SORCS1: variants seen among roughly 807,000 people sequenced by gnomAD.
SORCS1 encodes VPS10 domain-containing receptor SorCS1.
SORCS1 carries 60 observed loss-of-function variants against 146.1 expected under a neutral mutation model. The observed-to-expected ratio is 0.41, with a 90% CI of 0.33 to 0.51. The LOEUF (loss-of-function observed/expected upper bound fraction) is 0.51. Among genes scored for constraint, SORCS1 ranks in the 20% least tolerant of loss-of-function variants. The probability of loss-of-function intolerance (pLI) is 0.21; values close to 1 mark genes in which losing one functional copy is unlikely to be tolerated. For synonymous variants in SORCS1, 637 were observed against 584.0 expected (o/e 1.09, Z -1.31); for missense variants, 1,352 against 1,487.6 (o/e 0.91, Z 1.50).
At chr10:106,625,690 C>G (rs1170754970) in intron 19 of SORCS1, among the ~76,000 whole-genome samples, 1 of 152,212 alleles carries the variant, frequency 6.6e-6, no homozygotes, top group African/African-American at 2.4e-5. Context: ...AGAAAGTCAT[C>G]TGCACATGGC....
At chr10:106,646,528 T>C (rs964965275) in intron 18 of SORCS1, among the ~76,000 whole-genome samples, 4 of 151,802 alleles carry the variant, frequency 2.6e-5, no homozygotes, top group Non-Finnish European at 5.9e-5. Flanking sequence ...AGACCCCGTC[T>C]CTACTAAAAA....
At chr10:106,918,840 T>G (rs1178852957) in intron 2 of SORCS1, among the ~76,000 whole-genome samples, 1 of 150,688 alleles carries the variant, frequency 6.6e-6, no homozygotes, top group Non-Finnish European at 1.5e-5. Context: ...TATAGTGTAT[T>G]ATATTTTTTT....
At chr10:106,695,091 C>T (rs1853594364) in intron 9 of SORCS1, among the ~76,000 whole-genome samples, 2 of 152,118 alleles carry the variant, frequency 1.3e-5, no homozygotes, top group African/African-American at 4.8e-5. Context: ...CTGCATGATG[C>T]ACACGATGCA....
chr10:107,049,450 G>A (rs1959898134), intron 1 of SORCS1, among the ~76,000 whole-genome samples: 1 of 152,076 alleles, frequency 6.6e-6, no homozygotes, highest in African/African-American at 2.4e-5. Flanking sequence ...CAGGTGGTGA[G>A]CTCTGCTGCC....
chr10:106,727,246 A>G (rs1856266998), intron 6 of SORCS1, among the ~76,000 whole-genome samples: 1 of 152,206 alleles, frequency 6.6e-6, no homozygotes, highest in African/African-American at 2.4e-5. Context: ...TGAGATAGCC[A>G]CTGGTAGCCC....
chr10:106,623,162 T>C (rs112499210), intron 19 of SORCS1, among the ~76,000 whole-genome samples: 2 of 152,076 alleles, frequency 1.3e-5, no homozygotes, highest in African/African-American at 2.4e-5. Flanking sequence ...AATGAATACA[T>C]TAGAATACAA....
At chr10:106,775,822 C>A (rs553627252) in intron 4 of SORCS1, among the ~76,000 whole-genome samples, 118 of 152,200 alleles carry the variant, frequency 7.8e-4, no homozygotes, top group African/African-American at 2.7e-3. Flanking sequence ...TATTGCTAGC[C>A]TTTTATTCTA....
intron 2 of SORCS1, among the ~76,000 whole-genome samples, chr10:106,839,778 G>A (rs1313702136): frequency 6.6e-6 from 1 of 152,208 alleles, no homozygotes; most frequent in Admixed American, 6.5e-5. Flanking sequence ...TTCAGTTGAA[G>A]TCAATGCTCT....
At chr10:107,071,896 C>T (rs1298597247) in intron 1 of SORCS1, among the ~76,000 whole-genome samples, 1 of 152,108 alleles carries the variant, frequency 6.6e-6, no homozygotes, top group East Asian at 1.9e-4. Context: ...TACCCCAGGG[C>T]TGAGGGGAAA....
At chr10:107,177,421 A>G in the SORCS1 span, among the ~76,000 whole-genome samples, 1 of 152,218 alleles carries the variant, frequency 6.6e-6, no homozygotes, top group African/African-American at 2.4e-5. Context: ...ATCTTGACAT[A>G]AAGTCACAAT....
chr10:107,015,004 T>C (rs779650026), intron 1 of SORCS1, among the ~76,000 whole-genome samples: 5 of 152,092 alleles, frequency 3.3e-5, no homozygotes, highest in African/African-American at 4.8e-5. Flanking sequence ...ATGCTTAGGG[T>C]CAGGATGAAT....
At chr10:106,870,404 AGCTGGAG>A (rs1950363826) in intron 2 of SORCS1, among the ~76,000 whole-genome samples, 1 of 152,214 alleles carries the variant, frequency 6.6e-6, no homozygotes, top group African/African-American at 2.4e-5. Flanking sequence ...AATAGAACAA[AGCTGGAG>A]GCACCACATT....
In SORCS1 at chr10:106,688,243, C is replaced by G; in HGVS notation, c.1509G>C (p.Leu503Phe). The part of the protein sequence containing the change: ...ITYNKGRDWR[L>F]LQAPDTDLRG... ...TTAGATCCGTGTCCGGCGCCTGCAG[C>G]AAACGCCAGTCTCTGCCTTTGTTAT... Residue 503 changes from leucine to phenylalanine, a missense_variant, in exon 10 of 26, where the codon TTG becomes TTC. Physicochemically the swap from Leu to Phe is conservative, Grantham distance 22. This residue lies in a region of SORCS1 where 648 missense variants were observed against 793.8 expected (regional missense o/e 0.82). Transcript: ENST00000263054. 1 of 1,614,098 alleles carries G rather than the reference C, an allele frequency of 6.2e-7. No homozygotes were observed. The highest frequency in any genetic ancestry group is 8.5e-7 in the Non-Finnish European group (1 of 1,179,938).
chr10:106,681,849 C>A (rs1009295694), intron 10 of SORCS1, among the ~76,000 whole-genome samples: 7 of 152,126 alleles, frequency 4.6e-5, no homozygotes, highest in Admixed American at 6.5e-5. Flanking sequence ...GATGTCAGGC[C>A]GGGCATGGTG....
intron 2 of SORCS1, among the ~76,000 whole-genome samples, chr10:106,858,937 T>C (rs1270536483): frequency 6.6e-6 from 1 of 152,120 alleles, no homozygotes; most frequent in African/African-American, 2.4e-5. Flanking sequence ...TCCATTCTAG[T>C]TCTTACTGCC....
intron 1 of SORCS1, among the ~76,000 whole-genome samples, chr10:107,024,447 C>G (rs749321417): frequency 4.6e-5 from 7 of 152,160 alleles, no homozygotes; most frequent in Non-Finnish European, 1.0e-4. Flanking sequence ...AAGACATTCA[C>G]AAGGAATCTG....
chr10:106,693,700 C>T (rs566471467), intron 9 of SORCS1, among the ~76,000 whole-genome samples: 2 of 152,218 alleles, frequency 1.3e-5, no homozygotes, highest in African/African-American at 4.8e-5. Flanking sequence ...ATCTCCCTTG[C>T]TTTTTAGGTT....
intron 1 of SORCS1, among the ~76,000 whole-genome samples, chr10:107,139,198 T>C (rs1192604656): frequency 1.3e-5 from 2 of 152,162 alleles, no homozygotes. Context: ...TAAAAAGAAA[T>C]TGCAGGTAGA....
chr10:107,160,888 A>T (rs914142964), intron 1 of SORCS1, among the ~76,000 whole-genome samples: 5 of 152,212 alleles, frequency 3.3e-5, no homozygotes, highest in African/African-American at 1.2e-4. Flanking sequence ...AAGGATTACT[A>T]TATAAATTTA....
Sources: allele counts gnomAD v4.1 joint callset (sites outside exome capture counted in the v4.1 genomes callset), GRCh38; gene constraint gnomAD v4.1.1; regional missense constraint gnomAD v4.1.1; transcripts MANE v1.5; gene names NCBI Gene and HGNC (gene_info 2026-07-23, HGNC 2026-07-21).